OR5H15: variants seen among roughly 807,000 people sequenced by gnomAD.
OR5H15 encodes the protein olfactory receptor 5H15.
For synonymous variants in OR5H15, 153 were observed against 129.1 expected (o/e 1.19, Z -1.26); for missense variants, 405 against 366.1 (o/e 1.11, Z -0.87).
At chr3:98,168,251 T>C (rs922520375) in intron 1 of OR5H15, among the ~76,000 whole-genome samples, 4 of 152,088 alleles carry the variant, frequency 2.6e-5, no homozygotes, top group South Asian at 2.1e-4. Flanking sequence ...AAAAATATAT[T>C]AGAATATAAT....
chr3:98,168,149 C>T (rs1406655857), intron 1 of OR5H15, among the ~76,000 whole-genome samples: 3 of 152,092 alleles, frequency 2.0e-5, no homozygotes, highest in Non-Finnish European at 2.9e-5. Context: ...TTTGGGATTG[C>T]CTGGACCTTA....
Position 98,169,561 on chromosome 3 carries a change from A to G in OR5H15, c.862A>G (p.Ile288Val), listed in dbSNP as rs149573994. Residue 288 changes from isoleucine (I) to valine (V), a missense_variant, in exon 2 of 2, where the codon ATC becomes GTC. By Grantham distance (29) the Ile-to-Val change is conservative. Coordinates refer to ENST00000641450, the MANE Select transcript of OR5H15 (RefSeq NM_001005515.2). ...YTVIIPLLNP[I>V]IYSLRNKQVI... is the part of the protein sequence containing the mutation. ...TGTCATCATTCCTTTGTTAAATCCTATCATCTACAGTCTGAGAAATAAGCA... is the reference window on the plus strand; with the variant it reads ...TGTCATCATTCCTTTGTTAAATCCTGTCATCTACAGTCTGAGAAATAAGCA... 1,552 of 1,611,870 alleles carry G rather than the reference A, an allele frequency of 9.6e-4. 29 individuals are homozygous for G. The East Asian group carries it at 0.029, about 30-fold the overall frequency.
chr3:98,169,379 A>G lies in OR5H15; in HGVS notation c.680A>G (p.Glu227Gly), dbSNP rs1369544919. 1.2e-6 allele frequency: 2 copies of G among 1,613,432 alleles called. No individual in the cohort carries two copies. Among genetic ancestry groups the G allele is most frequent in the Non-Finnish European group, 1.7e-6 (2 of 1,179,638 alleles). The change falls in exon 2 of 2, where the codon GAA becomes GGA. Residue 227 changes from glutamate to glycine, a missense_variant. Coordinates refer to ENST00000641450, the MANE Select transcript of OR5H15 (RefSeq NM_001005515.2). ...SYTFVLFTVL[E>G]KKSDKGVRKA... is the part of the protein sequence containing the mutation. Reference sequence around the variant, plus strand: ...ACATTTGTTCTCTTCACAGTCTTAGAAAAGAAATCTGATAAGGGTGTAAGG... The same window carrying G: ...ACATTTGTTCTCTTCACAGTCTTAGGAAAGAAATCTGATAAGGGTGTAAGG...
chr3:98,169,490 C>G lies in OR5H15; in HGVS notation c.791C>G (p.Ser264Cys). The stretch of plus-strand genomic sequence containing the variant: ...CTCTTAATGTATGTGGGCCCTGCAT[C>G]TCCGCAAGCAGATGGTCAAAATATG... ...PLLLMYVGPA[S>C]PQADGQNMVE... The change falls in exon 2 of 2, where the codon TCT becomes TGT. Residue 264 changes from serine to cysteine, a missense_variant. By Grantham distance (112) the Ser-to-Cys change is moderately radical (BLOSUM62 -1). Coordinates refer to ENST00000641450, the MANE Select transcript of OR5H15 (RefSeq NM_001005515.2). 1.2e-6 allele frequency: 2 copies of G among 1,613,502 alleles called. No homozygotes were observed. The highest frequency in any genetic ancestry group is 1.7e-6 in the Non-Finnish European group (2 of 1,179,680).
intron 1 of OR5H15, 53 bp from the exon 2 acceptor site, chr3:98,168,629 A>G: frequency 6.4e-7 from 1 of 1,567,124 alleles, no homozygotes. Context: ...CCCCAATTTC[A>G]ACTCATAATG....
Position 98,168,792 on chromosome 3 carries a change from CT to C in OR5H15, c.95del (p.Leu32TrpfsTer2). The C allele has an allele frequency of 3.1e-6, 5 of 1,613,496 alleles. No homozygotes were observed. Among genetic ancestry groups the C allele is most frequent in the Non-Finnish European group, 4.2e-6 (5 of 1,179,560 alleles). Reference sequence around the variant, plus strand: ...GGAAAATACCCCTGTTCTTGGCATTCTTGGTAATATATCTCATCACCATCAT... The same window carrying C: ...GGAAAATACCCCTGTTCTTGGCATTCTGGTAATATATCTCATCACCATCAT... ...QWKIPLFLAF[L>X]VIYLITIMGN... On this transcript the variant is annotated frameshift_variant, in exon 2 of 2. Transcript: ENST00000641450. LOFTEE classifies it low-confidence loss of function (END_TRUNC).
In OR5H15 at chr3:98,166,745, A is replaced by T. The variant is rs1445201969; in HGVS notation, c.-105A>T. On this transcript the variant is annotated 5_prime_UTR_variant, in exon 1 of 2. Transcript: ENST00000641450. Reference sequence around the variant, plus strand: ...TACGTAATGAATGGCTACCTGTGTTATTGACATTGCTGTGCTACTGTATGT... The same window carrying T: ...TACGTAATGAATGGCTACCTGTGTTTTTGACATTGCTGTGCTACTGTATGT... 1 of 152,152 alleles carries T rather than the reference A, an allele frequency of 6.6e-6. No homozygotes were observed. The highest frequency in any genetic ancestry group is 6.6e-5 in the Admixed American group (1 of 15,262). The allele number at this position is 152,152 out of a possible 1,614,324, so 9.4% of individuals were successfully genotyped here.
rs763164193 is a variant in OR5H15, at chr3:98,169,644, T to C, written c.*3T>C. The C allele has an allele frequency of 3.2e-6, 5 of 1,565,258 alleles. No homozygotes were observed. The African/African-American group carries it at 5.4e-5, about 17-fold the overall frequency. On this transcript the variant is annotated 3_prime_UTR_variant, in exon 2 of 2. Transcript: ENST00000641450. ...GAAATGTTAAGGTTTCATACTAATA[T>C]CCTTTTTCTATTTACTAAAATAGTC...
Position 98,169,623 on chromosome 3 carries a change from T to C in OR5H15, c.924T>C (p.Asn308=), listed in dbSNP as rs771777429. The C allele has an allele frequency of 6.3e-7, 1 of 1,592,846 alleles. No individual in the cohort carries two copies. The highest frequency in any genetic ancestry group is 1.7e-5 in the Admixed American group (1 of 59,122). Residue 308 remains asparagine (N), a synonymous_variant, in exon 2 of 2, where the codon AAT becomes AAC. Coordinates refer to ENST00000641450, the MANE Select transcript of OR5H15 (RefSeq NM_001005515.2). ...IVSFIKMLKR[N]VKVSY Reference sequence around the variant, plus strand: ...CATTCATAAAAATGTTAAAAAGAAATGTTAAGGTTTCATACTAATATCCTT... The same window carrying C: ...CATTCATAAAAATGTTAAAAAGAAACGTTAAGGTTTCATACTAATATCCTT...
In OR5H15 at chr3:98,169,751, A is replaced by G. The variant is rs753785576; in HGVS notation, c.*110A>G. ...CAAGTATAACTGTCCTAGCACTTTA[A>G]TGACCTAACATTTTAGTACCTAATA... On this transcript the variant is annotated 3_prime_UTR_variant, in exon 2 of 2. Coordinates refer to ENST00000641450, the MANE Select transcript of OR5H15 (RefSeq NM_001005515.2). The G allele has an allele frequency of 1.2e-5, 9 of 767,020 alleles. No homozygotes were observed. The highest frequency in any genetic ancestry group is 1.6e-5 in the Non-Finnish European group (7 of 446,432). 47.5% of individuals were successfully genotyped at this position (767,020 alleles called of 1,614,324 possible). A position where few individuals can be genotyped will look rare whatever the true frequency, so the allele number is the denominator to read the frequency against.
chr3:98,167,170 T>C (rs1428191522), intron 1 of OR5H15, among the ~76,000 whole-genome samples: 1 of 152,112 alleles, frequency 6.6e-6, no homozygotes, highest in Admixed American at 6.6e-5. Flanking sequence ...TATTTTGATA[T>C]AAATACCCAT....
intron 1 of OR5H15, among the ~76,000 whole-genome samples, chr3:98,168,125 T>C (rs1301559392): frequency 6.6e-6 from 1 of 152,100 alleles, no homozygotes; most frequent in African/African-American, 2.4e-5. Flanking sequence ...AGATAATTTT[T>C]ATGTGTAATG....
In OR5H15 at chr3:98,169,568, A is replaced by G. The variant is rs748909880; in HGVS notation, c.869A>G (p.Tyr290Cys). The stretch of plus-strand genomic sequence containing the variant: ...ATTCCTTTGTTAAATCCTATCATCT[A>G]CAGTCTGAGAAATAAGCAAGTCATA... ...VIIPLLNPII[Y>C]SLRNKQVIVS... is the part of the protein sequence containing the mutation. The change falls in exon 2 of 2, where the codon TAC becomes TGC. Residue 290 changes from tyrosine to cysteine, a missense_variant. Physicochemically the swap from Tyr to Cys is radical, Grantham distance 194. Transcript: ENST00000641450. 2.9e-5 allele frequency: 46 copies of G among 1,611,110 alleles called. No individual in the cohort carries two copies. Among genetic ancestry groups the G allele is most frequent in the Middle Eastern group, 1.6e-4 (1 of 6,078 alleles).
rs780002372 is a variant in OR5H15, at chr3:98,168,993, G to T, written c.294G>T (p.Lys98Asn). The change falls in exon 2 of 2, where the codon AAG becomes AAT. Residue 98 changes from lysine to asparagine, a missense_variant. Coordinates refer to ENST00000641450, the MANE Select transcript of OR5H15 (RefSeq NM_001005515.2). The part of the protein sequence containing the change: ...KSKMISLSEC[K>N]IQFFSIAIGV... ...AGATGATATCTCTCTCTGAATGCAA[G>T]ATACAATTTTTTTCCATTGCAATTG... 3.7e-6 allele frequency: 6 copies of T among 1,613,442 alleles called. No homozygotes were observed. Among genetic ancestry groups the T allele is most frequent in the Non-Finnish European group, 4.2e-6 (5 of 1,179,590 alleles).
chr3:98,169,152 T>G lies in OR5H15; in HGVS notation c.453T>G (p.Ala151=). ...CIRLLILSYI[A]GILHALIHEG... ...GGCTATTAATCTTGTCATATATAGC[T>G]GGTATTCTTCATGCTTTAATCCATG... Residue 151 remains alanine, a synonymous_variant, in exon 2 of 2, where the codon GCT becomes GCG. Transcript: ENST00000641450. 1 of 1,613,620 alleles carries G rather than the reference T, an allele frequency of 6.2e-7. No individual in the cohort carries two copies. The highest frequency in any genetic ancestry group is 8.5e-7 in the Non-Finnish European group (1 of 1,179,672).
rs750476787 is a variant in OR5H15, at chr3:98,169,159, C to A, written c.460C>A (p.Leu154Ile). ...AATCTTGTCATATATAGCTGGTATT[C>A]TTCATGCTTTAATCCATGAAGGATT... ...LLILSYIAGI[L>I]HALIHEGFLF... The change falls in exon 2 of 2, where the codon CTT (leucine) becomes ATT (isoleucine). Residue 154 changes from leucine (L) to isoleucine (I), a missense_variant. By Grantham distance (5) the Leu-to-Ile change is conservative. Transcript: ENST00000641450. 4 of 1,613,424 alleles carry A rather than the reference C, an allele frequency of 2.5e-6. No individual in the cohort carries two copies. The African/African-American group carries it at 5.3e-5, about 22-fold the overall frequency.
rs752406643 is a variant in OR5H15 at position 98,168,804 on chromosome 3, T to C, written c.105T>C (p.Tyr35=). 1.2e-6 allele frequency: 2 copies of C among 1,613,446 alleles called. No homozygotes were observed. Among genetic ancestry groups the C allele is most frequent in the Non-Finnish European group, 1.7e-6 (2 of 1,179,596 alleles). Residue 35 remains tyrosine (Y), a synonymous_variant, in exon 2 of 2, where the codon TAT becomes TAC. Coordinates refer to ENST00000641450, the MANE Select transcript of OR5H15 (RefSeq NM_001005515.2). ...TGTTCTTGGCATTCTTGGTAATATA[T>C]CTCATCACCATCATGGGGAATCTTG... is the stretch of plus-strand genomic sequence containing the variant. ...IPLFLAFLVI[Y]LITIMGNLGL...
At position 98,169,017 on chromosome 3, in the gene OR5H15, T is replaced by A. The variant is rs996066385; in HGVS notation, c.318T>A (p.Ile106=). 1 of 1,613,504 alleles carries A rather than the reference T, an allele frequency of 6.2e-7. No individual in the cohort carries two copies. The highest frequency in any genetic ancestry group is 1.7e-5 in the Admixed American group (1 of 59,942). Residue 106 remains isoleucine (I), a synonymous_variant, in exon 2 of 2, where the codon ATT becomes ATA. Transcript: ENST00000641450. ...ECKIQFFSIA[I]GVTTECFLLA... Reference sequence around the variant, plus strand: ...AGATACAATTTTTTTCCATTGCAATTGGCGTAACCACAGAATGTTTTCTCT... The same window carrying A: ...AGATACAATTTTTTTCCATTGCAATAGGCGTAACCACAGAATGTTTTCTCT...
intron 1 of OR5H15, among the ~76,000 whole-genome samples, chr3:98,167,368 TC>T (rs1708734364): frequency 7.3e-6 from 1 of 137,262 alleles, no homozygotes; most frequent in African/African-American, 2.8e-5. Context: ...AAATCTTTTG[TC>T]CCTGTACTTC....
Sources: allele counts gnomAD v4.1 joint callset (sites outside exome capture counted in the v4.1 genomes callset), GRCh38; gene constraint gnomAD v4.1.1; transcripts MANE v1.5; gene names NCBI Gene and HGNC (gene_info 2026-07-23, HGNC 2026-07-21).